Variants in PLCB1 observed in about 807,000 individuals in gnomAD.
The protein encoded by PLCB1 is phospholipase C beta 1.
In PLCB1, 46 loss-of-function variants were observed where a neutral mutation model predicts 161.8. The observed-to-expected ratio is 0.28, with a 90% CI of 0.22 to 0.36. The LOEUF (loss-of-function observed/expected upper bound fraction) is 0.36. Among genes scored for constraint, PLCB1 ranks in the 10% least tolerant of loss-of-function variants. PLCB1 has a pLI of 1.00. For missense variants in PLCB1, 1,016 were observed against 1,472.5 expected, an observed-to-expected ratio of 0.69 and a Z score of 5.07; for synonymous variants, 517 against 503.7, an observed-to-expected ratio of 1.03 and a Z score of -0.35.
At position 8,433,593 on chromosome 20, in the gene PLCB1, G is replaced by T. The variant is rs1173109372; in HGVS notation, c.246+62143G>T. Among the ~76,000 whole-genome samples, 4 of 147,066 alleles carry T rather than the reference G, an allele frequency of 2.7e-5. No homozygotes were observed. In the East Asian group the frequency reaches 7.7e-4, roughly 28 times the overall value. On this transcript the variant is annotated intron_variant, in intron 3 of 31. Transcript: ENST00000338037. ...TGGGTTGTAAATGCAAGTAATAAAA[G>T]TAACTGCCTCATAGGTTTGTTGCAA...
At chr20:8,427,345 T>A (rs1024701503) in intron 3 of PLCB1, among the ~76,000 whole-genome samples, 5 of 152,214 alleles carry the variant, frequency 3.3e-5, no homozygotes, top group African/African-American at 1.2e-4. Context: ...GAAACCTGGC[T>A]TCTAAGGGTT....
intron 3 of PLCB1, among the ~76,000 whole-genome samples, chr20:8,569,512 C>T (rs1271604189): frequency 6.6e-6 from 1 of 152,040 alleles, no homozygotes; most frequent in Non-Finnish European, 1.5e-5. Context: ...ATAGGTAAAT[C>T]AATGTTCACA....
intron 23 of PLCB1, among the ~76,000 whole-genome samples, chr20:8,755,564 C>T (rs902821482): frequency 1.3e-5 from 2 of 152,128 alleles, no homozygotes; most frequent in African/African-American, 4.8e-5. Flanking sequence ...ATTTATTCAA[C>T]AAACATTTTT....
chr20:8,384,992 G>T (rs1477439044), intron 3 of PLCB1, among the ~76,000 whole-genome samples: 2 of 152,156 alleles, frequency 1.3e-5, no homozygotes, highest in East Asian at 3.9e-4. Flanking sequence ...ACGTTGGAGG[G>T]TCTTACCCAG....
At position 8,546,601 on chromosome 20, in the gene PLCB1, GCACAAT is replaced by G. The variant is rs144877081; in HGVS notation, c.247-81688_247-81683del. 7.9e-5 allele frequency among the ~76,000 whole-genome samples: 12 copies of G among 152,116 alleles called. No individual in the cohort carries two copies. In the East Asian group the frequency reaches 1.9e-3, roughly 25 times the overall value. ...ATGTAATGCAACCTGTGTTTCTAAA[GCACAAT>G]CACACTATAAACAGACCTTGCTGCA... On this transcript the variant is annotated intron_variant, in intron 3 of 31. Transcript: ENST00000338037.
chr20:8,205,789 A>G (rs1978494653), intron 2 of PLCB1, among the ~76,000 whole-genome samples: 1 of 152,098 alleles, frequency 6.6e-6, no homozygotes, highest in Non-Finnish European at 1.5e-5. Flanking sequence ...ATTAAAGTAG[A>G]ATAGGGGCAT....
At chr20:8,731,722 G>T (rs576694613) in intron 18 of PLCB1, among the ~76,000 whole-genome samples, 312 of 151,804 alleles carry the variant, frequency 2.1e-3, no homozygotes, top group South Asian at 3.5e-3. Flanking sequence ...CCCAAAATAG[G>T]CTCTACTTAT....
intron 2 of PLCB1, among the ~76,000 whole-genome samples, chr20:8,300,176 AG>A (rs1370531366): frequency 6.6e-6 from 1 of 152,162 alleles, no homozygotes; most frequent in African/African-American, 2.4e-5. Context: ...TAGGCTAGCT[AG>A]GGAATGTTCT....
intron 3 of PLCB1, among the ~76,000 whole-genome samples, chr20:8,373,281 A>T (rs769920922): frequency 1.3e-5 from 2 of 151,762 alleles, no homozygotes; most frequent in Admixed American, 1.3e-4. Flanking sequence ...ATGTTCAAGA[A>T]CCTCACTCTC....
At chr20:8,783,360 C>A (rs1983331542) in intron 27 of PLCB1, among the ~76,000 whole-genome samples, 1 of 152,140 alleles carries the variant, frequency 6.6e-6, no homozygotes, top group Non-Finnish European at 1.5e-5. Context: ...CAGAGCCAGC[C>A]TGCTGATAAA....
intron 1 of PLCB1, among the ~76,000 whole-genome samples, chr20:8,137,711 A>ACAG (rs1455026567): frequency 6.6e-6 from 1 of 152,230 alleles, no homozygotes; most frequent in African/African-American, 2.4e-5. Flanking sequence ...AGATCAAGAA[A>ACAG]CAGCATCACT....
intron 3 of PLCB1, among the ~76,000 whole-genome samples, chr20:8,496,882 T>A (rs1202645823): frequency 6.6e-6 from 1 of 152,132 alleles, no homozygotes; most frequent in Non-Finnish European, 1.5e-5. Flanking sequence ...TTTATAATAA[T>A]GTTGAAGGTC....
intron 3 of PLCB1, among the ~76,000 whole-genome samples, chr20:8,503,475 A>G (rs1983511445): frequency 6.6e-6 from 1 of 152,040 alleles, no homozygotes. Flanking sequence ...GGGTTAGGAG[A>G]CACCTGCTAT....
chr20:8,621,351 T>C (rs1988178639), intron 3 of PLCB1, among the ~76,000 whole-genome samples: 1 of 152,212 alleles, frequency 6.6e-6, no homozygotes, highest in Non-Finnish European at 1.5e-5. Context: ...GTTTAAAACA[T>C]GGCTGAAAAG....
chr20:8,845,752 A>G (rs1986669062), intron 31 of PLCB1, among the ~76,000 whole-genome samples: 2 of 151,742 alleles, frequency 1.3e-5, no homozygotes, highest in African/African-American at 2.4e-5. Flanking sequence ...AGCAGGAAGG[A>G]AAAAAAAAGA....
chr20:8,539,355 A>G (rs980828429), intron 3 of PLCB1, among the ~76,000 whole-genome samples: 2 of 152,170 alleles, frequency 1.3e-5, no homozygotes, highest in Admixed American at 6.5e-5. Flanking sequence ...ACACACTTCA[A>G]ACAAACTTGT....
intron 2 of PLCB1, among the ~76,000 whole-genome samples, chr20:8,157,244 G>A (rs114444177): frequency 2.1e-4 from 32 of 152,270 alleles, no homozygotes; most frequent in East Asian, 1.9e-4. Context: ...TTGAAGCATC[G>A]TATGGAACAA....
chr20:8,206,717 A>T (rs1295560921), intron 2 of PLCB1, among the ~76,000 whole-genome samples: 1 of 152,056 alleles, frequency 6.6e-6, no homozygotes, highest in African/African-American at 2.4e-5. Context: ...ATGTATCCCA[A>T]GAAAATATTT....
intron 10 of PLCB1, among the ~76,000 whole-genome samples, 163 bp downstream of exon 10, chr20:8,685,241 C>T (rs1297385543): frequency 1.3e-5 from 2 of 152,168 alleles, no homozygotes; most frequent in Non-Finnish European, 2.9e-5. Flanking sequence ...CTCCCATAAG[C>T]AGTCATGTCC....
Sources: allele counts gnomAD v4.1 joint callset (sites outside exome capture counted in the v4.1 genomes callset), GRCh38; gene constraint gnomAD v4.1.1; transcripts MANE v1.5; gene names NCBI Gene and HGNC (gene_info 2026-07-23, HGNC 2026-07-21).